Variants in DLC1 observed in about 807,000 individuals in gnomAD.
The protein encoded by DLC1 is rho GTPase-activating protein 7.
A neutral mutation model predicts 140.3 loss-of-function variants in DLC1; 54 were observed. That is an observed-to-expected ratio of 0.38 (90% confidence interval 0.31 to 0.48). The LOEUF (loss-of-function observed/expected upper bound fraction) is 0.48. DLC1 is among the 20% of genes least tolerant of loss of function. The pLI, the probability that DLC1 is intolerant of heterozygous loss-of-function variation, is 0.96. For synonymous variants in DLC1, 986 were observed against 728.1 expected (o/e 1.35, Z -5.70); for missense variants, 2,536 against 1,907.0 (o/e 1.33, Z -6.14).
intron 5 of DLC1, among the ~76,000 whole-genome samples, chr8:13,191,858 C>T (rs894561783): frequency 6.6e-6 from 1 of 151,986 alleles, no homozygotes; most frequent in African/African-American, 2.4e-5. Flanking sequence ...TTTCTGCCTA[C>T]AGTGCCTATG....
At chr8:13,396,362 C>A (rs1176007272) in intron 3 of DLC1, among the ~76,000 whole-genome samples, 2 of 152,100 alleles carry the variant, frequency 1.3e-5, no homozygotes, top group African/African-American at 4.8e-5. Context: ...CCTGGCCTTG[C>A]ATTAATTTCC....
chr8:13,244,718 C>T (rs895235914), intron 5 of DLC1, among the ~76,000 whole-genome samples: 13 of 152,136 alleles, frequency 8.5e-5, no homozygotes, highest in Admixed American at 8.5e-4. Flanking sequence ...ATCTGATGGA[C>T]TCTCACCCAC....
At chr8:13,446,347 C>A (rs1793244399) in intron 2 of DLC1, among the ~76,000 whole-genome samples, 1 of 152,188 alleles carries the variant, frequency 6.6e-6, no homozygotes, top group Admixed American at 6.5e-5. Flanking sequence ...TGTTCTTTCT[C>A]TGCCATTTTC....
intron 1 of DLC1, chr8:13,566,984 G>C: frequency 6.5e-7 from 1 of 1,538,920 alleles, no homozygotes; most frequent in Non-Finnish European, 8.8e-7. Context: ...CGAGCCTGAT[G>C]CATTGTGATG....
chr8:13,421,089 T>A (rs1838301457), intron 2 of DLC1, among the ~76,000 whole-genome samples: 1 of 152,212 alleles, frequency 6.6e-6, no homozygotes, highest in African/African-American at 2.4e-5. Context: ...TAATTCCTCG[T>A]TAATCTTTTC....
At chr8:13,221,041 TTACTCCAGTGCACAATAAAATAAAG>T (rs1232827138) in intron 5 of DLC1, among the ~76,000 whole-genome samples, 1 of 152,092 alleles carries the variant, frequency 6.6e-6, no homozygotes, top group Non-Finnish European at 1.5e-5. Context: ...GTACTAGAGG[TTACTCCAGTGCACAATAAAATAAAG>T]GGAATATCTT....
intron 4 of DLC1, among the ~76,000 whole-genome samples, chr8:13,382,530 A>AG (rs1836322048): frequency 1.9e-5 from 1 of 51,840 alleles, no homozygotes; most frequent in Non-Finnish European, 3.8e-5. Context: ...AAAAAAAAAA[A>AG]AAGAAAGAGG....
intron 16 of DLC1, among the ~76,000 whole-genome samples, chr8:13,086,668 A>C (rs903724604): frequency 1.3e-5 from 2 of 152,216 alleles, no homozygotes; most frequent in Admixed American, 1.3e-4. Flanking sequence ...ATGGAAAGTG[A>C]ATGCCCAATA....
Position 13,104,637 on chromosome 8 carries a change from C to T in DLC1, c.1503-1784G>A, listed in dbSNP as rs188634426. Among the ~76,000 whole-genome samples the T allele has an allele frequency of 1.6e-3, 238 of 152,262 alleles. 2 individuals carry two copies. Among genetic ancestry groups the T allele is most frequent in the Middle Eastern group, 6.8e-3 (2 of 294 alleles). ...TTAATTCACACAAATTCCTGGGAAC[C>T]GTGAGACCTCCTCAGGGCTTTATCT... On this transcript the variant is annotated intron_variant, in intron 7 of 17. Coordinates refer to ENST00000276297, the MANE Select transcript of DLC1 (RefSeq NM_182643.3).
chr8:13,600,012 C>A (rs537233545), intron 1 of DLC1, among the ~76,000 whole-genome samples: 3 of 152,026 alleles, frequency 2.0e-5, no homozygotes, highest in Admixed American at 1.3e-4. Flanking sequence ...AAATCAGAAG[C>A]ACTACTTTCT....
At chr8:13,196,334 T>C (rs1827054140) in intron 5 of DLC1, among the ~76,000 whole-genome samples, 1 of 152,224 alleles carries the variant, frequency 6.6e-6, no homozygotes, top group Admixed American at 6.5e-5. Flanking sequence ...TATTATTGTG[T>C]ATTTTTCTCT....
intron 5 of DLC1, among the ~76,000 whole-genome samples, chr8:13,138,888 T>C (rs1188816034): frequency 6.6e-6 from 1 of 152,252 alleles, no homozygotes; most frequent in African/African-American, 2.4e-5. Context: ...TAATTTTAAC[T>C]GGAGTGTGTC....
intron 5 of DLC1, among the ~76,000 whole-genome samples, chr8:13,240,524 C>G (rs1829499831): frequency 6.6e-6 from 1 of 152,138 alleles, no homozygotes; most frequent in South Asian, 2.1e-4. Flanking sequence ...CTCCCTGGCT[C>G]AAGGGATCCT....
chr8:13,459,558 C>T (rs972465000), intron 2 of DLC1, among the ~76,000 whole-genome samples: 6 of 152,254 alleles, frequency 3.9e-5, no homozygotes, highest in Non-Finnish European at 8.8e-5. Flanking sequence ...ATTGGAACTG[C>T]GCTGTGTTCC....
At chr8:13,505,732 G>A (rs1476185248) in intron 1 of DLC1, among the ~76,000 whole-genome samples, 1 of 152,150 alleles carries the variant, frequency 6.6e-6, no homozygotes, top group Non-Finnish European at 1.5e-5. Context: ...CAATTTCTAT[G>A]AGATTCTTAG....
Position 13,107,994 on chromosome 8 carries a change from G to A in DLC1, c.1502+2748C>T, listed in dbSNP as rs555996505. On this transcript the variant is annotated intron_variant, in intron 7 of 17. Coordinates refer to ENST00000276297, the MANE Select transcript of DLC1 (RefSeq NM_182643.3). ...TGGGAGGCGGAGGTTGCAGTGAGCC[G>A]AGATCACGCCACTGTACTCCAGCCT... Among the ~76,000 whole-genome samples the A allele has an allele frequency of 5.9e-5, 9 of 152,178 alleles. No individual in the cohort carries two copies. The East Asian group carries it at 9.7e-4, about 16-fold the overall frequency.
intron 4 of DLC1, among the ~76,000 whole-genome samples, chr8:13,318,350 A>C (rs752137267): frequency 6.6e-6 from 1 of 152,162 alleles, no homozygotes; most frequent in African/African-American, 2.4e-5. Context: ...TATAATCTTA[A>C]TAACTACCAA....
intron 2 of DLC1, among the ~76,000 whole-genome samples, chr8:13,490,967 G>C (rs1287153200): frequency 1.6e-5 from 2 of 123,398 alleles, no homozygotes; most frequent in Non-Finnish European, 1.7e-5. Flanking sequence ...CCCTCATTCA[G>C]AATTTATATA....
At chr8:13,553,545 T>A (rs1469662999) in intron 1 of DLC1, among the ~76,000 whole-genome samples, 1 of 151,756 alleles carries the variant, frequency 6.6e-6, no homozygotes, top group Non-Finnish European at 1.5e-5. Flanking sequence ...GGAGACAGAG[T>A]CTCACTATGT....
Sources: allele counts gnomAD v4.1 joint callset (sites outside exome capture counted in the v4.1 genomes callset), GRCh38; gene constraint gnomAD v4.1.1; transcripts MANE v1.5; gene names NCBI Gene and HGNC (gene_info 2026-07-23, HGNC 2026-07-21).